The following CAPN7 variants were observed in gnomAD, a reference collection of about 807,000 sequenced individuals.
The protein encoded by CAPN7 is calpain-7.
CAPN7 carries 72 observed loss-of-function variants against 115.2 expected under a neutral mutation model. The observed-to-expected ratio is 0.63, with a 90% CI of 0.52 to 0.76. The LOEUF (loss-of-function observed/expected upper bound fraction) is 0.76. Among genes scored for constraint, CAPN7 ranks in the 30% least tolerant of loss-of-function variants. The pLI is 0.00. For missense variants in CAPN7, 905 were observed against 971.5 expected (o/e 0.93, Z 0.91); for synonymous variants, 344 against 322.3 (o/e 1.07, Z -0.72).
intron 11 of CAPN7, 36 bp downstream of exon 11, chr3:15,234,009 T>C: frequency 8.5e-7 from 1 of 1,172,620 alleles, no homozygotes; most frequent in Non-Finnish European, 1.3e-6. Flanking sequence ...GTGTGGTAAA[T>C]GTGGCCGTTT....
At position 15,239,001 on chromosome 3, in the gene CAPN7, T is replaced by G. The variant is rs2060202807; in HGVS notation, c.1408-1472T>G. Among the ~76,000 whole-genome samples, 4 of 152,108 alleles carry G rather than the reference T, an allele frequency of 2.6e-5. No homozygotes were observed. The South Asian group carries it at 8.3e-4, about 31-fold the overall frequency. ...GTCTCTGAAAAGCTTAGCAACAATT[T>G]GCTCTCCTTTGTGCTCCTCTTTTAG... On this transcript the variant is annotated intron_variant, in intron 12 of 20. Coordinates refer to ENST00000253693, the MANE Select transcript of CAPN7 (RefSeq NM_014296.3).
intron 6 of CAPN7, among the ~76,000 whole-genome samples, chr3:15,224,700 T>C (rs1411161756): frequency 6.6e-6 from 1 of 152,172 alleles, no homozygotes; most frequent in African/African-American, 2.4e-5. Flanking sequence ...TTCAGTACTT[T>C]TTTATTTTTC....
intron 2 of CAPN7, among the ~76,000 whole-genome samples, chr3:15,213,130 C>T (rs879853282): frequency 6.6e-6 from 1 of 152,144 alleles, no homozygotes; most frequent in Non-Finnish European, 1.5e-5. Context: ...TTCAAAATAT[C>T]ATATAAAATT....
At chr3:15,229,553 C>CTTTTTTTATT (rs61081705) in intron 8 of CAPN7, among the ~76,000 whole-genome samples, 1 of 88,302 alleles carries the variant, frequency 1.1e-5, no homozygotes, top group Non-Finnish European at 2.4e-5. Flanking sequence ...ATTGGTTTTA[C>CTTTTTTTATT]TTTTTTTCTT....
chr3:15,247,128 T>C, intron 18 of CAPN7, 199 bp from the exon 19 acceptor site: 1 of 573,098 alleles, frequency 1.7e-6, no homozygotes, highest in South Asian at 2.4e-5. Flanking sequence ...AACAACTTGA[T>C]TAGAGGCTAA....
chr3:15,209,407 A>T (rs975796983), intron 1 of CAPN7, among the ~76,000 whole-genome samples: 3 of 152,238 alleles, frequency 2.0e-5, no homozygotes, highest in Non-Finnish European at 4.4e-5. Context: ...AAATCAGCAT[A>T]CTTGGGATAG....
chr3:15,244,471 A>T (rs907366698), intron 16 of CAPN7, among the ~76,000 whole-genome samples: 1 of 152,218 alleles, frequency 6.6e-6, no homozygotes, highest in African/African-American at 2.4e-5. Flanking sequence ...TGAAACATGG[A>T]AAGGTTAAAA....
Position 15,217,440 on chromosome 3 carries a change from C to T in CAPN7, c.227C>T (p.Ala76Val). 1.2e-6 allele frequency: 2 copies of T among 1,612,304 alleles called. No individual in the cohort carries two copies. The highest frequency in any genetic ancestry group is 1.7e-6 in the Non-Finnish European group (2 of 1,179,220). ...ALHSAVQSKSADPLKSKHQLD... is the reference protein window; with the variant it reads ...ALHSAVQSKSVDPLKSKHQLD... ...TCTATCCTAGTTCAGTCAAAGAGTG[C>T]TGATCCTTTGAAGTCAAAACATCAG... The change falls in exon 3 of 21, where the codon GCT becomes GTT. Residue 76 changes from alanine to valine, a missense_variant. By Grantham distance (64) the Ala-to-Val change is moderately conservative (BLOSUM62 0). Coordinates refer to ENST00000253693, the MANE Select transcript of CAPN7 (RefSeq NM_014296.3).
chr3:15,245,004 G>A lies in CAPN7; in HGVS notation c.1865-522G>A, dbSNP rs114832799. 4.7e-3 allele frequency among the ~76,000 whole-genome samples: 715 copies of A among 150,924 alleles called. 6 individuals carry two copies. The highest frequency in any genetic ancestry group is 0.017 in the African/African-American group (687 of 41,016). On this transcript the variant is annotated intron_variant, in intron 16 of 20. Coordinates refer to ENST00000253693, the MANE Select transcript of CAPN7 (RefSeq NM_014296.3). Reference sequence around the variant, plus strand: ...TTCATTCATTTTTAGGAGTGGGTACGTTTGTATTCAAGTCTAAAAAGATGC... The same window carrying A: ...TTCATTCATTTTTAGGAGTGGGTACATTTGTATTCAAGTCTAAAAAGATGC...
intron 20 of CAPN7, 35 bp downstream of exon 20, chr3:15,251,058 C>T (rs372840487): frequency 1.9e-6 from 3 of 1,597,148 alleles, no homozygotes; most frequent in Non-Finnish European, 2.6e-6. Context: ...CTATTTTATA[C>T]TTTACTTTTT....
intron 12 of CAPN7, 67 bp downstream of exon 12, chr3:15,235,212 T>C: frequency 7.2e-7 from 1 of 1,392,972 alleles, no homozygotes; most frequent in Non-Finnish European, 9.8e-7. Flanking sequence ...TCCCAGATAA[T>C]TTATCAGACT....
intron 2 of CAPN7, 104 bp downstream of exon 2, chr3:15,212,316 A>G: frequency 3.2e-6 from 2 of 627,428 alleles, no homozygotes; most frequent in Non-Finnish European, 5.5e-6. Context: ...TTGAATCTTG[A>G]TGCTCACTCT....
At chr3:15,231,277 G>GT (rs1694670903) in intron 9 of CAPN7, among the ~76,000 whole-genome samples, 1 of 152,168 alleles carries the variant, frequency 6.6e-6, no homozygotes, top group South Asian at 2.1e-4. Flanking sequence ...CACGCCCAGA[G>GT]TTTCTGATTC....
At position 15,246,737 on chromosome 3, in the gene CAPN7, T is replaced by C. The variant is rs180854619; in HGVS notation, c.2016T>C (p.Tyr672=). ...QNTIHYTVRV[Y]SACSFTFSKI... ...CAGTCTTTTTTTAAATCTAGGTATA[T>C]TCAGCATGCAGCTTTACTTTTTCAA... Residue 672 remains tyrosine (Y), a synonymous_variant, in exon 18 of 21, where the codon TAT becomes TAC. Coordinates refer to ENST00000253693, the MANE Select transcript of CAPN7 (RefSeq NM_014296.3). 6 of 1,600,076 alleles carry C rather than the reference T, an allele frequency of 3.7e-6. No individual in the cohort carries two copies. In the African/African-American group the frequency reaches 6.7e-5, roughly 18 times the overall value.
chr3:15,228,034 GT>G, intron 7 of CAPN7, 69 bp downstream of exon 7: 2 of 1,216,264 alleles, frequency 1.6e-6, no homozygotes, highest in South Asian at 2.8e-5. Context: ...ATAGATTTGA[GT>G]TTTTTCTTAG....
intron 17 of CAPN7, 183 bp from the exon 18 acceptor site, chr3:15,246,549 A>T: frequency 1.8e-6 from 1 of 570,654 alleles, no homozygotes; most frequent in Non-Finnish European, 3.1e-6. Context: ...TTACTAGCAG[A>T]GAAAGCCAAG....
At chr3:15,239,483 T>C (rs1695211714) in intron 12 of CAPN7, among the ~76,000 whole-genome samples, 1 of 152,224 alleles carries the variant, frequency 6.6e-6, no homozygotes, top group Non-Finnish European at 1.5e-5. Flanking sequence ...GTGGAAAATC[T>C]GAAAAGGGAT....
chr3:15,229,165 G>T, intron 8 of CAPN7, 106 bp downstream of exon 8: 3 of 708,454 alleles, frequency 4.2e-6, no homozygotes, highest in Non-Finnish European at 7.3e-6. Context: ...ATATCATTCA[G>T]AATATGGCCC....
chr3:15,215,267 TA>T (rs200769068), intron 2 of CAPN7, among the ~76,000 whole-genome samples: 1 of 151,382 alleles, frequency 6.6e-6, no homozygotes, highest in East Asian at 1.9e-4. Context: ...ACCGTGTATT[TA>T]AAAAAAAACC....
Sources: gnomAD v4.1 joint callset for allele counts (sites outside exome capture counted in the v4.1 genomes callset) on GRCh38, gnomAD v4.1.1 for gene constraint, MANE v1.5 for transcripts, NCBI Gene and HGNC (gene_info 2026-07-23, HGNC 2026-07-21) for gene names.